DCUN1D2: variants seen among roughly 807,000 people sequenced by gnomAD.
DCUN1D2 encodes the protein defective in cullin neddylation 1 domain containing 2, also known as DCN1-like protein 2.
In DCUN1D2, 29 loss-of-function variants were observed where a neutral mutation model predicts 30.9. That is an observed-to-expected ratio of 0.94 (90% CI 0.70 to 1.28). The LOEUF is 1.28. DCUN1D2 is among the 50% of genes most tolerant of loss of function. DCUN1D2 has a pLI of 0.00. For synonymous variants in DCUN1D2, 121 were observed against 115.3 expected (o/e 1.05, Z -0.32); for missense variants, 325 against 316.9 (o/e 1.03, Z -0.19).
chr13:113,469,740 G>A (rs1020074415), intron 4 of DCUN1D2, among the ~76,000 whole-genome samples: 8 of 148,270 alleles, frequency 5.4e-5, no homozygotes, highest in East Asian at 1.9e-4. Context: ...TTGGGAAGCC[G>A]AGGTGGGAGG....
rs750919985 is a variant in DCUN1D2 at position 113,474,264 on chromosome 13, CAG to C, written c.390-12_390-11del. 6.2e-7 allele frequency: 1 copy of C among 1,613,162 alleles called. No homozygotes were observed. Among genetic ancestry groups the C allele is most frequent in the Non-Finnish European group, 8.5e-7 (1 of 1,179,314 alleles). ...CTCCATGCTGTCACACCTGCGATGA[CAG>C]AGAGTGGTTTGTCTTGCAGCAGATG... On this transcript the variant is annotated splice_polypyrimidine_tract_variant and intron_variant, in intron 3 of 6. Transcript: ENST00000478244.
Position 113,483,986 on chromosome 13 carries a change from G to C in DCUN1D2, c.74C>G (p.Thr25Ser), listed in dbSNP as rs749291101. The change falls in exon 2 of 7, where the codon ACT becomes AGT. Residue 25 changes from threonine to serine, a missense_variant. By Grantham distance (58) the Thr-to-Ser change is moderately conservative. Coordinates refer to ENST00000478244, the MANE Select transcript of DCUN1D2 (RefSeq NM_001014283.2). ...ATTCTGCGTTAAGCAGTAGATAGCAGTTCTCTCGCCAGCCTGAGTGCACGC... is the reference window on the plus strand; with the variant it reads ...ATTCTGCGTTAAGCAGTAGATAGCACTTCTCTCGCCAGCCTGAGTGCACGC... Reference protein sequence around the residue: ...FMACTQAGERTAIYCLTQNEW... With the variant: ...FMACTQAGERSAIYCLTQNEW... 2.1e-5 allele frequency: 34 copies of C among 1,614,094 alleles called. No homozygotes were observed. The Admixed American group carries it at 5.5e-4, about 26-fold the overall frequency.
intron 2 of DCUN1D2, among the ~76,000 whole-genome samples, chr13:113,481,966 G>GTTGT: frequency 6.6e-6 from 1 of 151,810 alleles, no homozygotes; most frequent in Non-Finnish European, 1.5e-5. Flanking sequence ...CCTCAGCATA[G>GTTGT]TTTATGGGAC....
rs776075204 is a variant in DCUN1D2, at chr13:113,456,350, G to A, written c.*1679C>T. The A allele has an allele frequency of 9.5e-5, 38 of 398,720 alleles. No homozygotes were observed. The highest frequency in any genetic ancestry group is 1.5e-4 in the Non-Finnish European group (35 of 226,170). 24.7% of individuals were successfully genotyped at this position (398,720 alleles called of 1,614,324 possible). A position where few individuals can be genotyped will look rare whatever the true frequency, so the allele number is the denominator to read the frequency against. Reference sequence around the variant, plus strand: ...GTGACCATCTCTGCTAAGAAACATCGACAGTTCGTCCTGCAGCCTCCAAGC... The same window carrying A: ...GTGACCATCTCTGCTAAGAAACATCAACAGTTCGTCCTGCAGCCTCCAAGC... On this transcript the variant is annotated 3_prime_UTR_variant, in exon 7 of 7. Transcript: ENST00000478244.
Position 113,456,482 on chromosome 13 carries a change from T to C in DCUN1D2, c.*1547A>G, listed in dbSNP as rs1014724595. Reference sequence around the variant, plus strand: ...CATGCTCTCTCACACCGCAGCTAGGTCATCTGCGGCGACTCTCCTCTGTGC... The same window carrying C: ...CATGCTCTCTCACACCGCAGCTAGGCCATCTGCGGCGACTCTCCTCTGTGC... On this transcript the variant is annotated 3_prime_UTR_variant, in exon 7 of 7. Coordinates refer to ENST00000478244, the MANE Select transcript of DCUN1D2 (RefSeq NM_001014283.2). 5.0e-6 allele frequency: 2 copies of C among 398,018 alleles called. No individual in the cohort carries two copies. The highest frequency in any genetic ancestry group is 4.1e-5 in the African/African-American group (2 of 48,602). 24.7% of individuals were successfully genotyped at this position (398,018 alleles called of 1,614,324 possible). A position where few individuals can be genotyped will look rare whatever the true frequency, so the allele number is the denominator to read the frequency against.
chr13:113,469,218 T>A (rs2044462725), intron 4 of DCUN1D2, among the ~76,000 whole-genome samples: 1 of 151,360 alleles, frequency 6.6e-6, no homozygotes, highest in Non-Finnish European at 1.5e-5. Context: ...CCCCGAACCA[T>A]CCTCCTTCTG....
intron 1 of DCUN1D2, among the ~76,000 whole-genome samples, chr13:113,487,496 G>T (rs901275173): frequency 5.3e-5 from 8 of 152,156 alleles, no homozygotes; most frequent in African/African-American, 1.9e-4. Context: ...CACAGCGCAC[G>T]ACTCCAGCTG....
At position 113,480,709 on chromosome 13, in the gene DCUN1D2, C is replaced by T. The variant is rs764219723; in HGVS notation, c.255G>A (p.Gly85=). The change falls in exon 3 of 7, where the codon GGG becomes GGA. Residue 85 remains glycine (G), a synonymous_variant. Coordinates refer to ENST00000478244, the MANE Select transcript of DCUN1D2 (RefSeq NM_001014283.2). ...TCAGATCATCACAAAACTGTTGAAT[C>T]CCATCGACTCCAATTTTGTTTTCAT... ...PQDENKIGVD[G]IQQFCDDLSL... 4.8e-5 allele frequency: 78 copies of T among 1,613,940 alleles called. 1 individual carries two copies. The South Asian group carries it at 8.0e-4, about 17-fold the overall frequency.
chr13:113,470,753 C>A (rs957262091), intron 4 of DCUN1D2, among the ~76,000 whole-genome samples: 1 of 149,798 alleles, frequency 6.7e-6, no homozygotes, highest in Non-Finnish European at 1.5e-5. Context: ...CCACAGGGGA[C>A]CCAACTCCAC....
chr13:113,464,936 A>C (rs2044377389), intron 4 of DCUN1D2, among the ~76,000 whole-genome samples: 1 of 152,254 alleles, frequency 6.6e-6, no homozygotes, highest in South Asian at 2.1e-4. Flanking sequence ...TGGCTTTGCC[A>C]AGGGCCTAGA....
In DCUN1D2 at chr13:113,476,407, T is replaced by C. The variant is rs9577557; in HGVS notation, c.390-2153A>G. The stretch of plus-strand genomic sequence containing the variant: ...GTTCTATTTCACTGTGGTTTTCACC[T>C]GCATTTCCCCAGTGAATGAGATTAA... On this transcript the variant is annotated intron_variant, in intron 3 of 6. Coordinates refer to ENST00000478244, the MANE Select transcript of DCUN1D2 (RefSeq NM_001014283.2). Among the ~76,000 whole-genome samples, 1,294 of 152,366 alleles carry C rather than the reference T, an allele frequency of 8.5e-3. 39 individuals carry two copies. In the East Asian group the frequency reaches 0.11, roughly 13 times the overall value.
At chr13:113,489,024 C>T (rs2044857702) in intron 1 of DCUN1D2, 2 of 650,940 alleles carry the variant, frequency 3.1e-6, no homozygotes, top group Non-Finnish European at 3.8e-6. Context: ...TATAATCTGG[C>T]ACCAAGGATA....
chr13:113,463,346 G>C (rs748303504), intron 4 of DCUN1D2, among the ~76,000 whole-genome samples: 1 of 152,022 alleles, frequency 6.6e-6, no homozygotes, highest in Non-Finnish European at 1.5e-5. Flanking sequence ...AAGTACCTTA[G>C]GGCAGACATA....
chr13:113,461,850 C>T (rs184412575), intron 4 of DCUN1D2, among the ~76,000 whole-genome samples: 1 of 152,344 alleles, frequency 6.6e-6, no homozygotes, highest in East Asian at 1.9e-4. Flanking sequence ...GTCTCCAATC[C>T]ATAGTTTGTG....
chr13:113,484,330 A>AT, intron 1 of DCUN1D2: 1 of 556,862 alleles, frequency 1.8e-6, no homozygotes, highest in Admixed American at 3.8e-5. Context: ...TGTGACTATC[A>AT]TTTTTCTCTA....
intron 2 of DCUN1D2, among the ~76,000 whole-genome samples, chr13:113,481,112 T>C (rs1952613176): frequency 1.3e-5 from 2 of 152,218 alleles, no homozygotes; most frequent in African/African-American, 4.8e-5. Context: ...TATACTGTAT[T>C]GATAAAGTAT....
In DCUN1D2 at chr13:113,461,144, A is replaced by G; in HGVS notation, c.521-8T>C. On this transcript the variant is annotated splice_polypyrimidine_tract_variant and splice_region_variant and intron_variant, in intron 4 of 6. Transcript: ENST00000478244. The stretch of plus-strand genomic sequence containing the variant: ...CAACAGCCATTTCTAAGTCTGGTAA[A>G]AAGAAAGAAAGAGCAGTTAGTAAAT... The G allele has an allele frequency of 6.4e-7, 1 of 1,568,068 alleles. No individual in the cohort carries two copies. Among genetic ancestry groups the G allele is most frequent in the East Asian group, 2.2e-5 (1 of 44,576 alleles).
rs2044221046 is a variant in DCUN1D2 at position 113,456,071 on chromosome 13, A to G, written c.*1958T>C. The G allele has an allele frequency of 2.5e-6, 1 of 397,622 alleles. No homozygotes were observed. Among genetic ancestry groups the G allele is most frequent in the East Asian group, 3.6e-5 (1 of 28,078 alleles). 24.6% of individuals were successfully genotyped at this position (397,622 alleles called of 1,614,324 possible). On this transcript the variant is annotated 3_prime_UTR_variant, in exon 7 of 7. Transcript: ENST00000478244. ...TGAACAAAACAATTACATGTCAAGAATCCATGAAGCCTGGAAGATACGCTC... is the reference window on the plus strand; with the variant it reads ...TGAACAAAACAATTACATGTCAAGAGTCCATGAAGCCTGGAAGATACGCTC...
At chr13:113,475,265 C>T (rs1466214753) in intron 3 of DCUN1D2, 3 of 152,208 alleles carry the variant, frequency 2.0e-5, no homozygotes, top group Non-Finnish European at 4.4e-5. Context: ...CCTGCCACCT[C>T]GAGGCGTCAG....
Sources: gnomAD v4.1 joint callset for allele counts (sites outside exome capture counted in the v4.1 genomes callset) on GRCh38, gnomAD v4.1.1 for gene constraint, MANE v1.5 for transcripts, NCBI Gene and HGNC (gene_info 2026-07-23, HGNC 2026-07-21) for gene names.